The following ESRP1 variants were observed in gnomAD, a reference collection of about 807,000 sequenced individuals.
ESRP1 encodes epithelial splicing regulatory protein 1, also known as RNA-binding motif protein 35A.
A neutral mutation model predicts 81.7 loss-of-function variants in ESRP1; 33 were observed. That is an observed-to-expected ratio of 0.40 (90% CI 0.31 to 0.54). The LOEUF is 0.54. Among genes scored for constraint, ESRP1 ranks in the 20% least tolerant of loss-of-function variants. The pLI, the probability that ESRP1 is intolerant of heterozygous loss-of-function variation, is 0.41. For missense variants in ESRP1, 672 were observed against 833.1 expected (o/e 0.81, Z 2.38); for synonymous variants, 320 against 303.3 (o/e 1.06, Z -0.57).
intron 9 of ESRP1, 31 bp from the exon 10 acceptor site, chr8:94,667,918 C>T (rs755196221): frequency 3.3e-6 from 5 of 1,520,406 alleles, no homozygotes; most frequent in Non-Finnish European, 4.4e-6. Context: ...AACTATTTCT[C>T]TCCCTGCTTC....
chr8:94,678,512 CA>C, intron 13 of ESRP1, 141 bp downstream of exon 13: 1 of 971,924 alleles, frequency 1.0e-6, no homozygotes, highest in Non-Finnish European at 1.5e-6. Context: ...TATCTCTGAC[CA>C]AGAAGGTTGT....
At chr8:94,696,308 C>G (rs1809603435) in intron 14 of ESRP1, among the ~76,000 whole-genome samples, 1 of 152,196 alleles carries the variant, frequency 6.6e-6, no homozygotes, top group African/African-American at 2.4e-5. Flanking sequence ...ACCATCAATG[C>G]CTTTTACATT....
intron 15 of ESRP1, among the ~76,000 whole-genome samples, chr8:94,703,949 AT>A (rs752513529): frequency 4.6e-4 from 70 of 152,228 alleles, no homozygotes; most frequent in Middle Eastern, 3.4e-3. Flanking sequence ...TGGGTCATTG[AT>A]TTTCTTATCT....
chr8:94,667,070 T>G (rs78314755), intron 9 of ESRP1, among the ~76,000 whole-genome samples: 2 of 107,946 alleles, frequency 1.9e-5, no homozygotes, highest in Non-Finnish European at 4.5e-5. Context: ...AGGAGAGGGG[T>G]GTGTGTGTGT....
chr8:94,691,761 T>G (rs1563546707), intron 13 of ESRP1, among the ~76,000 whole-genome samples: 1 of 152,172 alleles, frequency 6.6e-6, no homozygotes, highest in Non-Finnish European at 1.5e-5. Flanking sequence ...TGAATAAAGG[T>G]TAATAATCCA....
At chr8:94,665,082 C>T in intron 8 of ESRP1, 23 bp downstream of exon 8, 2 of 1,613,668 alleles carry the variant, frequency 1.2e-6, no homozygotes, top group Non-Finnish European at 1.7e-6. Context: ...AACCTGAACC[C>T]CTGGACATCG....
At chr8:94,667,068 G>GGGGGGTGTGTGTGTGTGTGTGTGT (rs1554577644) in intron 9 of ESRP1, among the ~76,000 whole-genome samples, 22 of 144,320 alleles carry the variant, frequency 1.5e-4, no homozygotes, top group African/African-American at 4.7e-4. Context: ...CCAGGAGAGG[G>GGGGGGTGTGTGTGTGTGTGTGTGT]GTGTGTGTGT....
intron 14 of ESRP1, among the ~76,000 whole-genome samples, chr8:94,695,355 T>TC: frequency 1.7e-5 from 1 of 57,228 alleles, no homozygotes; most frequent in Non-Finnish European, 3.5e-5. Flanking sequence ...TTTCTTTTTT[T>TC]TTTTTTTTTT....
chr8:94,670,845 G>A (rs1365764211), intron 10 of ESRP1, among the ~76,000 whole-genome samples: 7 of 152,178 alleles, frequency 4.6e-5, no homozygotes, highest in South Asian at 2.1e-4. Context: ...TCATCTTTAC[G>A]GTCAACAAAT....
At position 94,706,015 on chromosome 8, in the gene ESRP1, G is replaced by T; in HGVS notation, c.*126G>T. 1 of 1,430,958 alleles carries T rather than the reference G, an allele frequency of 7.0e-7. No homozygotes were observed. The highest frequency in any genetic ancestry group is 9.4e-7 in the Non-Finnish European group (1 of 1,064,142). The allele number at this position is 1,430,958 out of a possible 1,614,324, so 88.6% of individuals were successfully genotyped here. On this transcript the variant is annotated 3_prime_UTR_variant, in exon 16 of 16. Transcript: ENST00000433389. ...GAAGTTTGTCTACACTCAGGCTGCA[G>T]TATTTTCAGCAAACTTGATTGGACA...
chr8:94,669,181 G>A (rs1442883134), intron 10 of ESRP1, among the ~76,000 whole-genome samples: 2 of 152,104 alleles, frequency 1.3e-5, no homozygotes, highest in Non-Finnish European at 1.5e-5. Context: ...CAAGCTTTTC[G>A]ACTGTTCTTG....
At chr8:94,687,164 C>T (rs1243537694) in intron 13 of ESRP1, among the ~76,000 whole-genome samples, 1 of 152,200 alleles carries the variant, frequency 6.6e-6, no homozygotes, top group African/African-American at 2.4e-5. Flanking sequence ...TATCTCTTCA[C>T]TGACCCCTCT....
intron 1 of ESRP1, chr8:94,641,725 G>A: frequency 1.4e-6 from 1 of 724,890 alleles, no homozygotes; most frequent in Non-Finnish European, 2.1e-6. Context: ...CCGAGACGAG[G>A]TGGGGTCTCG....
chr8:94,677,469 A>G (rs927303527), intron 12 of ESRP1, among the ~76,000 whole-genome samples: 1 of 152,208 alleles, frequency 6.6e-6, no homozygotes, highest in Non-Finnish European at 1.5e-5. Flanking sequence ...CCAGAAGACA[A>G]TGCAGTTGGG....
At chr8:94,690,295 TTTTTTTTTTG>T (rs1223798814) in intron 13 of ESRP1, among the ~76,000 whole-genome samples, 2,878 of 109,528 alleles carry the variant, frequency 0.026, 82 homozygotes, top group African/African-American at 0.079. Flanking sequence ...TTTTTTTTTT[TTTTTTTTTTG>T]GATTTTTAGT....
chr8:94,676,225 G>A (rs1056253282), intron 12 of ESRP1, among the ~76,000 whole-genome samples: 1 of 151,948 alleles, frequency 6.6e-6, no homozygotes, highest in Non-Finnish European at 1.5e-5. Context: ...GCCGGGAGTG[G>A]TGGCGCACAT....
At chr8:94,695,371 T>TTCC (rs1351009238) in intron 14 of ESRP1, among the ~76,000 whole-genome samples, 1 of 111,994 alleles carries the variant, frequency 8.9e-6, no homozygotes, top group Non-Finnish European at 1.7e-5. Context: ...TTTTTTTTTT[T>TTCC]TGAGACGGAG....
Position 94,703,104 on chromosome 8 carries a change from G to C in ESRP1, c.*36-2821G>C, listed in dbSNP as rs1160678649. ...GGAAACATTATCTCCTTCTGAGATT[G>C]ATTGTTTTTTTTTTTTTTTTGCTAG... is the stretch of plus-strand genomic sequence containing the variant. On this transcript the variant is annotated intron_variant, in intron 15 of 15. Transcript: ENST00000433389. 3.2e-5 allele frequency among the ~76,000 whole-genome samples: 3 copies of C among 92,352 alleles called. No individual in the cohort carries two copies. In the Admixed American group the frequency reaches 3.4e-4, roughly 11 times the overall value. The allele number at this position is 92,352 out of a possible 152,430, so 60.6% of individuals were successfully genotyped here. A position where few individuals can be genotyped will look rare whatever the true frequency, so the allele number is the denominator to read the frequency against.
rs548885530 is a variant in ESRP1 at position 94,686,401 on chromosome 8, T to A, written c.1821-6276T>A. On this transcript the variant is annotated intron_variant, in intron 13 of 15. Transcript: ENST00000433389. ...CCTAAGTAATCAATGTCTTTGCAACTGTGATGCTCTAGCAGTTTTCTGGAT... is the reference window on the plus strand; with the variant it reads ...CCTAAGTAATCAATGTCTTTGCAACAGTGATGCTCTAGCAGTTTTCTGGAT... Among the ~76,000 whole-genome samples the A allele has an allele frequency of 9.8e-5, 15 of 152,366 alleles. 1 individual carries two copies. In the South Asian group the frequency reaches 3.1e-3, roughly 32 times the overall value.
Sources: allele counts gnomAD v4.1 joint callset (sites outside exome capture counted in the v4.1 genomes callset), GRCh38; gene constraint gnomAD v4.1.1; transcripts MANE v1.5; gene names NCBI Gene and HGNC (gene_info 2026-07-23, HGNC 2026-07-21).